LHFPL2: variants seen among roughly 807,000 people sequenced by gnomAD.
LHFPL2 encodes the protein LHFPL tetraspan subfamily member 2.
A neutral mutation model predicts 17.5 loss-of-function variants in LHFPL2; 7 were observed. The ratio of observed to expected loss-of-function variants is 0.40; its 90% CI spans 0.23 to 0.75. The LOEUF is 0.75. Among genes scored for constraint, LHFPL2 ranks in the 30% least tolerant of loss-of-function variants. LHFPL2 has a pLI of 0.37. For synonymous variants in LHFPL2, 134 were observed against 116.2 expected, an observed-to-expected ratio of 1.15 and a Z score of -0.99; for missense variants, 241 against 294.8, an observed-to-expected ratio of 0.82 and a Z score of 1.34.
intron 3 of LHFPL2, among the ~76,000 whole-genome samples, chr5:78,512,934 T>C (rs1400457608): frequency 6.6e-6 from 1 of 152,042 alleles, no homozygotes; most frequent in African/African-American, 2.4e-5. Context: ...TTTTGTATTT[T>C]TAGTAGAGAT....
At chr5:78,530,842 C>T (rs911204679) in intron 3 of LHFPL2, among the ~76,000 whole-genome samples, 2 of 152,188 alleles carry the variant, frequency 1.3e-5, no homozygotes, top group African/African-American at 4.8e-5. Flanking sequence ...AAGAATGCCC[C>T]ATAGCCCCTG....
At chr5:78,548,749 A>G (rs750298224) in intron 3 of LHFPL2, among the ~76,000 whole-genome samples, 7 of 152,022 alleles carry the variant, frequency 4.6e-5, no homozygotes, top group Non-Finnish European at 5.9e-5. Context: ...TGGATCACGC[A>G]CCCTGGGATT....
intron 4 of LHFPL2, among the ~76,000 whole-genome samples, chr5:78,498,948 T>C (rs1561306521): frequency 1.3e-5 from 2 of 152,188 alleles, no homozygotes; most frequent in Non-Finnish European, 2.9e-5. Context: ...GGAAACGTGT[T>C]GATAGTGGTA....
intron 2 of LHFPL2, among the ~76,000 whole-genome samples, chr5:78,594,175 C>G (rs2112464509): frequency 6.6e-6 from 1 of 152,298 alleles, no homozygotes; most frequent in African/African-American, 2.4e-5. Flanking sequence ...AATCCTGCTT[C>G]TCTAAAACAA....
intron 2 of LHFPL2, among the ~76,000 whole-genome samples, chr5:78,611,427 C>T (rs1456754369): frequency 1.3e-5 from 2 of 152,190 alleles, no homozygotes; most frequent in Non-Finnish European, 2.9e-5. Context: ...GGTTTCTGGG[C>T]TCCCTGCTCA....
At chr5:78,618,459 A>T (rs1240537408) in intron 2 of LHFPL2, among the ~76,000 whole-genome samples, 1 of 152,184 alleles carries the variant, frequency 6.6e-6, no homozygotes, top group African/African-American at 2.4e-5. Context: ...GCTGGTCTAG[A>T]GGCTTGGTTT....
intron 2 of LHFPL2, among the ~76,000 whole-genome samples, chr5:78,588,272 G>GCC (rs1743501878): frequency 6.6e-6 from 1 of 152,222 alleles, no homozygotes; most frequent in Non-Finnish European, 1.5e-5. Context: ...CTGGGATCAA[G>GCC]TGATCTTCCT....
intron 3 of LHFPL2, among the ~76,000 whole-genome samples, chr5:78,534,101 T>G (rs1755866574): frequency 6.6e-6 from 1 of 152,176 alleles, no homozygotes; most frequent in African/African-American, 2.4e-5. Flanking sequence ...ACAACAAGGC[T>G]GGACCCACTG....
Position 78,488,810 on chromosome 5 carries a change from GT to G in LHFPL2, c.*86del. 4 of 1,489,652 alleles carry G rather than the reference GT, an allele frequency of 2.7e-6. No homozygotes were observed. Among genetic ancestry groups the G allele is most frequent in the Non-Finnish European group, 3.7e-6 (4 of 1,092,030 alleles). 92.3% of individuals were successfully genotyped at this position (1,489,652 alleles called of 1,614,324 possible). On this transcript the variant is annotated 3_prime_UTR_variant, in exon 5 of 5. Coordinates refer to ENST00000380345, the MANE Select transcript of LHFPL2 (RefSeq NM_005779.3). ...TGGAACGTGGCTTTGGTAGGTAAAG[GT>G]TAGTTCTCCACTTGACTCAAATGAT...
At position 78,517,883 on chromosome 5, in the gene LHFPL2, G is replaced by A. The variant is rs553451034; in HGVS notation, c.-185-7485C>T. Among the ~76,000 whole-genome samples, 43 of 152,278 alleles carry A rather than the reference G, an allele frequency of 2.8e-4. No homozygotes were observed. The South Asian group carries it at 4.1e-3, about 15-fold the overall frequency. On this transcript the variant is annotated intron_variant, in intron 3 of 4. Transcript: ENST00000380345. ...TCCTTCTCTTCTAAAGCCCACTTGC[G>A]TATTTTATGTTTGTTTTCCCTCTAT... is the stretch of plus-strand genomic sequence containing the variant.
rs1204526796 is a variant in LHFPL2, at chr5:78,630,241, C to A, written c.-245+2023G>T. Among the ~76,000 whole-genome samples, 4 of 152,154 alleles carry A rather than the reference C, an allele frequency of 2.6e-5. No individual in the cohort carries two copies. In the East Asian group the frequency reaches 7.7e-4, roughly 29 times the overall value. ...TATCTCCTAGAAGCTCGGTAAACTG[C>A]AGCTCACTAGGAAGTGGCCGGCACT... On this transcript the variant is annotated intron_variant, in intron 2 of 4. Transcript: ENST00000380345.
intron 4 of LHFPL2, chr5:78,491,143 G>C (rs1418842874): frequency 3.3e-5 from 5 of 152,172 alleles, no homozygotes; most frequent in Non-Finnish European, 5.9e-5. Flanking sequence ...TCACTACCAG[G>C]GCATTTTGGG....
At position 78,528,908 on chromosome 5, in the gene LHFPL2, C is replaced by CTG. The variant is rs541829454; in HGVS notation, c.-185-18511_-185-18510insCA. Among the ~76,000 whole-genome samples, 444 of 152,258 alleles carry CTG rather than the reference C, an allele frequency of 2.9e-3. 3 individuals carry two copies. The highest frequency in any genetic ancestry group is 9.9e-3 in the African/African-American group (410 of 41,524). ...TACGTCTATTTTAACCAGCCTAATGCTAACAGATAAAAACAGCTTGTTTTT... is the reference window on the plus strand; with the variant it reads ...TACGTCTATTTTAACCAGCCTAATGCTGTAACAGATAAAAACAGCTTGTTTTT... On this transcript the variant is annotated intron_variant, in intron 3 of 4. Coordinates refer to ENST00000380345, the MANE Select transcript of LHFPL2 (RefSeq NM_005779.3).
At chr5:78,605,587 A>G (rs1365643332) in intron 2 of LHFPL2, among the ~76,000 whole-genome samples, 2 of 152,202 alleles carry the variant, frequency 1.3e-5, no homozygotes, top group Non-Finnish European at 2.9e-5. Context: ...CTTACAACAT[A>G]GGCTTCTAAG....
chr5:78,564,424 TTTA>T (rs900963116), intron 3 of LHFPL2, among the ~76,000 whole-genome samples: 2 of 152,210 alleles, frequency 1.3e-5, no homozygotes, highest in African/African-American at 4.8e-5. Context: ...ATTGGGTATT[TTTA>T]ATCGGCTATC....
intron 2 of LHFPL2, among the ~76,000 whole-genome samples, chr5:78,608,588 CAA>C (rs10609753): frequency 0.049 from 6,727 of 138,082 alleles, 491 homozygotes; most frequent in African/African-American, 0.17. Context: ...ATTCTATTTG[CAA>C]AAAAAAAAAA....
intron 1 of LHFPL2, among the ~76,000 whole-genome samples, chr5:78,637,975 T>C (rs541825826): frequency 2.4e-4 from 36 of 152,280 alleles, no homozygotes; most frequent in African/African-American, 8.7e-4. Context: ...GTCTTGTCAG[T>C]GCTGGTTTGT....
At chr5:78,533,181 C>T (rs145499561) in intron 3 of LHFPL2, among the ~76,000 whole-genome samples, 22 of 152,284 alleles carry the variant, frequency 1.4e-4, no homozygotes, top group Admixed American at 4.6e-4. Context: ...TTTTCACAAA[C>T]CAAGATTCCA....
At chr5:78,581,911 A>G (rs950160302) in intron 2 of LHFPL2, among the ~76,000 whole-genome samples, 2 of 152,166 alleles carry the variant, frequency 1.3e-5, no homozygotes, top group Non-Finnish European at 2.9e-5. Flanking sequence ...CTGTGAATCC[A>G]TCTGGTCCTG....
Sources: gnomAD v4.1 joint callset for allele counts (sites outside exome capture counted in the v4.1 genomes callset) on GRCh38, gnomAD v4.1.1 for gene constraint, MANE v1.5 for transcripts, NCBI Gene and HGNC (gene_info 2026-07-23, HGNC 2026-07-21) for gene names.